SMOC1: variants seen among roughly 807,000 people sequenced by gnomAD.
SMOC1 encodes the protein SPARC-related modular calcium-binding protein 1.
A neutral mutation model predicts 56.3 loss-of-function variants in SMOC1; 22 were observed. That is an observed-to-expected ratio of 0.39 (90% CI 0.28 to 0.56). The LOEUF (loss-of-function observed/expected upper bound fraction) is 0.56. Ranked by LOEUF, SMOC1 falls within the 20% of genes least tolerant of loss-of-function variation. The probability of loss-of-function intolerance (pLI) is 0.61; values close to 1 mark genes in which losing one functional copy is unlikely to be tolerated. For missense variants in SMOC1, 509 were observed against 565.4 expected (o/e 0.90, Z 1.01); for synonymous variants, 193 against 215.0 (o/e 0.90, Z 0.89).
At chr14:70,019,413 T>C (rs1885634072) in intron 10 of SMOC1, among the ~76,000 whole-genome samples, 1 of 152,218 alleles carries the variant, frequency 6.6e-6, no homozygotes, top group Admixed American at 6.5e-5. Context: ...TTAGTAGAAG[T>C]AGTACTTTAC....
At chr14:69,916,227 T>C (rs1372717926) in intron 1 of SMOC1, among the ~76,000 whole-genome samples, 1 of 152,156 alleles carries the variant, frequency 6.6e-6, no homozygotes, top group Non-Finnish European at 1.5e-5. Flanking sequence ...CCCTCCTCTT[T>C]CTCTCATATC....
intron 1 of SMOC1, among the ~76,000 whole-genome samples, chr14:69,894,425 A>G (rs1036524806): frequency 6.6e-6 from 1 of 152,206 alleles, no homozygotes; most frequent in Non-Finnish European, 1.5e-5. Flanking sequence ...GGCCAGGAGA[A>G]TGCCATGCTC....
At chr14:69,941,915 C>G (rs1555360476) in intron 1 of SMOC1, among the ~76,000 whole-genome samples, 3 of 152,182 alleles carry the variant, frequency 2.0e-5, no homozygotes, top group Non-Finnish European at 4.4e-5. Context: ...ATTTACCTCT[C>G]CTTCTAGCCC....
chr14:69,951,280 T>C (rs1039253108), intron 1 of SMOC1, among the ~76,000 whole-genome samples: 4 of 152,152 alleles, frequency 2.6e-5, no homozygotes, highest in Non-Finnish European at 5.9e-5. Context: ...ATTTTCTTGG[T>C]CAAGCAAGTT....
At chr14:69,887,043 G>A (rs772363035) in intron 1 of SMOC1, among the ~76,000 whole-genome samples, 17 of 152,278 alleles carry the variant, frequency 1.1e-4, no homozygotes, top group Non-Finnish European at 1.9e-4. Flanking sequence ...GTGCAACTAT[G>A]TTTATAATAT....
At chr14:69,895,355 A>C (rs1884067077) in intron 1 of SMOC1, among the ~76,000 whole-genome samples, 1 of 152,240 alleles carries the variant, frequency 6.6e-6, no homozygotes, top group African/African-American at 2.4e-5. Context: ...TTCTGTTTGA[A>C]GAAGTAAAGG....
intron 3 of SMOC1, among the ~76,000 whole-genome samples, chr14:69,973,043 C>G (rs1883830618): frequency 6.6e-6 from 1 of 152,176 alleles, no homozygotes; most frequent in Non-Finnish European, 1.5e-5. Context: ...ACATGTTTCC[C>G]CAGAGGTGAT....
At position 69,928,383 on chromosome 14, in the gene SMOC1, G is replaced by A. The variant is rs539248575; in HGVS notation, c.100-23755G>A. On this transcript the variant is annotated intron_variant, in intron 1 of 11. Transcript: ENST00000361956. Reference sequence around the variant, plus strand: ...TGCGACTTTTTCAGAAGGCAAAAATGCAGTCTCCTCGTAGTCTGGGTCAGC... The same window carrying A: ...TGCGACTTTTTCAGAAGGCAAAAATACAGTCTCCTCGTAGTCTGGGTCAGC... Among the ~76,000 whole-genome samples, 9 of 152,320 alleles carry A rather than the reference G, an allele frequency of 5.9e-5. No individual in the cohort carries two copies. The East Asian group carries it at 1.5e-3, about 26-fold the overall frequency.
chr14:69,934,480 T>C (rs1885247362), intron 1 of SMOC1, among the ~76,000 whole-genome samples: 1 of 152,152 alleles, frequency 6.6e-6, no homozygotes, highest in African/African-American at 2.4e-5. Context: ...GACAGAGCAA[T>C]CTCCAATCTA....
chr14:69,921,859 A>T (rs960135413), intron 1 of SMOC1, among the ~76,000 whole-genome samples: 1 of 152,210 alleles, frequency 6.6e-6, no homozygotes, highest in Non-Finnish European at 1.5e-5. Context: ...CAGGTTAGGA[A>T]TCAAGATGGA....
intron 10 of SMOC1, among the ~76,000 whole-genome samples, chr14:70,015,801 A>G (rs554500649): frequency 6.6e-6 from 1 of 152,196 alleles, no homozygotes; most frequent in South Asian, 2.1e-4. Context: ...AATTTTGAAA[A>G]GGCAGTATTG....
chr14:69,936,456 T>C (rs1380967060), intron 1 of SMOC1, among the ~76,000 whole-genome samples: 1 of 152,250 alleles, frequency 6.6e-6, no homozygotes, highest in East Asian at 1.9e-4. Flanking sequence ...TGTTCTGTGC[T>C]GAACTGAGAA....
chr14:70,017,815 A>G (rs1247350030), intron 10 of SMOC1, among the ~76,000 whole-genome samples: 3 of 152,176 alleles, frequency 2.0e-5, no homozygotes, highest in African/African-American at 7.2e-5. Flanking sequence ...GTAGGATAAT[A>G]GAGGCTGAGA....
intron 3 of SMOC1, among the ~76,000 whole-genome samples, chr14:69,961,688 T>C (rs1043777067): frequency 6.6e-6 from 1 of 152,196 alleles, no homozygotes; most frequent in Non-Finnish European, 1.5e-5. Context: ...TTTCCATTTT[T>C]TTGGCTGTTA....
At chr14:70,001,757 G>A (rs1411130170) in intron 7 of SMOC1, among the ~76,000 whole-genome samples, 1 of 152,148 alleles carries the variant, frequency 6.6e-6, no homozygotes, top group African/African-American at 2.4e-5. Context: ...TTTCACACAC[G>A]ATTGCATTTA....
chr14:69,902,390 C>A, intron 1 of SMOC1, among the ~76,000 whole-genome samples: 1 of 152,160 alleles, frequency 6.6e-6, no homozygotes, highest in East Asian at 1.9e-4. Context: ...AATATAGCCA[C>A]AGTTTCTTTG....
Position 69,881,549 on chromosome 14 carries a change from A to T in SMOC1, c.99+1772A>T, listed in dbSNP as rs190989680. 2.2e-4 allele frequency among the ~76,000 whole-genome samples: 34 copies of T among 152,194 alleles called. No homozygotes were observed. In the East Asian group the frequency reaches 6.4e-3, roughly 29 times the overall value. ...CCAGCTCCTCTAGTTTATTAATTTG[A>T]TAGAAGTGATGGAACGTAAGCAGGA... On this transcript the variant is annotated intron_variant, in intron 1 of 11. Transcript: ENST00000361956.
chr14:69,892,664 T>C (rs2139306275), intron 1 of SMOC1, among the ~76,000 whole-genome samples: 1 of 152,326 alleles, frequency 6.6e-6, no homozygotes, highest in South Asian at 2.1e-4. Context: ...CCTATTCCCT[T>C]GCTCAGATTA....
chr14:69,959,987 G>A (rs752509258), intron 3 of SMOC1, among the ~76,000 whole-genome samples: 77 of 152,144 alleles, frequency 5.1e-4, no homozygotes, highest in Non-Finnish European at 8.5e-4. Flanking sequence ...TCTTCCTGAC[G>A]TCACCCCTGT....
Sources: allele counts gnomAD v4.1 joint callset (sites outside exome capture counted in the v4.1 genomes callset), GRCh38; gene constraint gnomAD v4.1.1; transcripts MANE v1.5; gene names NCBI Gene and HGNC (gene_info 2026-07-23, HGNC 2026-07-21).